SF1: variants seen among roughly 807,000 people sequenced by gnomAD.
The protein encoded by SF1 is branch point-binding protein.
SF1 carries 7 observed loss-of-function variants against 62.5 expected under a neutral mutation model. The ratio of observed to expected loss-of-function variants is 0.11; its 90% CI spans 0.06 to 0.21. The LOEUF is 0.21. SF1 is among the 10% of genes least tolerant of loss of function. The probability of loss-of-function intolerance (pLI) is 1.00; values close to 1 mark genes in which losing one functional copy is unlikely to be tolerated. For missense variants in SF1, 578 were observed against 884.0 expected (o/e 0.65, Z 4.39); for synonymous variants, 394 against 323.6 (o/e 1.22, Z -2.33).
intron 1 of SF1, chr11:64,777,948 T>C: frequency 1.0e-6 from 1 of 982,676 alleles, no homozygotes; most frequent in Admixed American, 6.2e-5. Context: ...GCCGGGCCCG[T>C]CCGCGCGACG....
chr11:64,767,033 C>T lies in SF1; in HGVS notation c.1449G>A (p.Pro483=), dbSNP rs761752885. 5.5e-5 allele frequency: 83 copies of T among 1,521,212 alleles called. No homozygotes were observed. Among genetic ancestry groups the T allele is most frequent in the Middle Eastern group, 1.8e-4 (1 of 5,592 alleles). The allele number at this position is 1,521,212 out of a possible 1,614,324, so 94.2% of individuals were successfully genotyped here. Residue 483 remains proline, a synonymous_variant, in exon 12 of 13, where the codon CCG becomes CCA. Transcript: ENST00000377390. ...GGGGTGGGGGCTGCCCACTGGGAGG[C>T]GGCGGCGGCGGCGGCATCATGCCCA... ...PPMGMMPPPP[P]PPSGQPPPPP... is the part of the protein sequence containing the mutation.
intron 2 of SF1, among the ~76,000 whole-genome samples, chr11:64,774,898 T>C (rs560728552): frequency 6.6e-6 from 1 of 151,234 alleles, no homozygotes; most frequent in Admixed American, 6.6e-5. Flanking sequence ...GAGACGCAGG[T>C]TGCAGTGAGC....
chr11:64,777,554 C>T (rs1939510920), intron 1 of SF1: 4 of 985,418 alleles, frequency 4.1e-6, no homozygotes, highest in Admixed American at 1.2e-4. Flanking sequence ...ATCCTTGGTA[C>T]GGTTCCCATT....
At chr11:64,777,795 C>T (rs1336072035) in intron 1 of SF1, 13 of 981,910 alleles carry the variant, frequency 1.3e-5, no homozygotes, top group East Asian at 2.3e-4. Flanking sequence ...CCCAGCCCTC[C>T]CCCCACAGCG....
At chr11:64,778,065 G>C in intron 1 of SF1, 1 of 991,722 alleles carries the variant, frequency 1.0e-6, no homozygotes, top group African/African-American at 1.8e-5. Flanking sequence ...GGCGACACGC[G>C]CTGGTAGAGC....
In SF1 at chr11:64,767,199, T is replaced by A. The variant is rs1447739067; in HGVS notation, c.1395A>T (p.Gln465His). 1 of 1,614,096 alleles carries A rather than the reference T, an allele frequency of 6.2e-7. No individual in the cohort carries two copies. Residue 465 changes from glutamine (Q) to histidine (H), a missense_variant, in exon 11 of 13, where the codon CAA becomes CAT. By Grantham distance (24) the Gln-to-His change is conservative. Transcript: ENST00000377390. The stretch of plus-strand genomic sequence containing the variant: ...CCAGCAGACAGCCATTACCTTTTCC[T>A]TGATGCAGGCGATAGACCCCAGAGC... ...PVGSGVYRLHQGKGMMPPPPM... is the reference protein window; with the variant it reads ...PVGSGVYRLHHGKGMMPPPPM...
At position 64,765,192 on chromosome 11, in the gene SF1, C is replaced by T. The variant is rs2058555523; in HGVS notation, c.*626G>A. The stretch of plus-strand genomic sequence containing the variant: ...GCCCTTGCCCAAAACCATTTGCTCC[C>T]CTCTCCTTGGTAAGGGAAGGAGAAC... On this transcript the variant is annotated 3_prime_UTR_variant, in exon 13 of 13. Coordinates refer to ENST00000377390, the MANE Select transcript of SF1 (RefSeq NM_004630.4). The T allele has an allele frequency of 5.1e-6, 2 of 388,872 alleles. No individual in the cohort carries two copies. Among genetic ancestry groups the T allele is most frequent in the African/African-American group, 2.1e-5 (1 of 47,848 alleles). 24.1% of individuals were successfully genotyped at this position (388,872 alleles called of 1,614,324 possible). A position where few individuals can be genotyped will look rare whatever the true frequency, so the allele number is the denominator to read the frequency against.
At position 64,767,620 on chromosome 11, in the gene SF1, CGGTGGT is replaced by C. The variant is rs2058776495; in HGVS notation, c.1287_1292del (p.Pro430_Pro431del). ...CAGGAGGGTGGGGGCCCTGGTTCATCGGTGGTGGTGGTGGCTGCATCCAAGGGGGTG... is the reference window on the plus strand; with the variant it reads ...CAGGAGGGTGGGGGCCCTGGTTCATCGGTGGTGGCTGCATCCAAGGGGGTG... On this transcript the variant is annotated inframe_deletion, in exon 10 of 13. Coordinates refer to ENST00000377390, the MANE Select transcript of SF1 (RefSeq NM_004630.4). 3 of 1,586,232 alleles carry C rather than the reference CGGTGGT, an allele frequency of 1.9e-6. No individual in the cohort carries two copies. Among genetic ancestry groups the C allele is most frequent in the African/African-American group, 1.4e-5 (1 of 73,366 alleles).
rs2058642447 is a variant in SF1 at position 64,766,103 on chromosome 11, T to G, written c.1635A>C (p.Gln545His). ...AAGCTGCGGCAGCCGCCTGCTGCTG[T>G]TGCCATGGCGGGATGGACCCTGTGC... Reference protein sequence around the residue: ...SAGTGSIPPWQQQQAAAAASP... With the variant: ...SAGTGSIPPWHQQQAAAAASP... The change falls in exon 13 of 13, where the codon CAA (glutamine) becomes CAC (histidine). Residue 545 changes from glutamine (Q) to histidine (H), a missense_variant. By Grantham distance (24) the Gln-to-His change is conservative. Transcript: ENST00000377390. 1 of 1,610,766 alleles carries G rather than the reference T, an allele frequency of 6.2e-7. No homozygotes were observed. Among genetic ancestry groups the G allele is most frequent in the African/African-American group, 1.3e-5 (1 of 74,818 alleles).
At chr11:64,777,934 G>A (rs1415799892) in intron 1 of SF1, 5 of 979,032 alleles carry the variant, frequency 5.1e-6, no homozygotes, top group Non-Finnish European at 4.8e-6. Flanking sequence ...GCGCCCCTCA[G>A]GCGGCCGGGC....
intron 2 of SF1, among the ~76,000 whole-genome samples, chr11:64,774,577 A>T (rs904438931): frequency 2.6e-5 from 4 of 152,212 alleles, no homozygotes; most frequent in Non-Finnish European, 5.9e-5. Context: ...GTGTCTAACC[A>T]AAGATTCCTT....
chr11:64,778,344 C>CG lies in SF1; in HGVS notation c.31+17dup, dbSNP rs1039141207. The CG allele has an allele frequency of 3.6e-5, 44 of 1,225,964 alleles. No homozygotes were observed. Among genetic ancestry groups the CG allele is most frequent in the South Asian group, 1.6e-4 (4 of 24,570 alleles). The allele number at this position is 1,225,964 out of a possible 1,614,324, so 75.9% of individuals were successfully genotyped here. ...TTGGGCCCGGGGAGCGGGGGCAGCC[C>CG]GGGGGGGCCCAGCTTACCCAACGGC... On this transcript the variant is annotated intron_variant, in intron 1 of 12. Coordinates refer to ENST00000377390, the MANE Select transcript of SF1 (RefSeq NM_004630.4).
chr11:64,778,451 C>T lies in SF1; in HGVS notation c.-59G>A, dbSNP rs1203802034. ...TTCCTCTGCGGCGGCTTCTCCTTCGCAAGCCTCCCGGGGGGAGGGGACCCG... is the reference window on the plus strand; with the variant it reads ...TTCCTCTGCGGCGGCTTCTCCTTCGTAAGCCTCCCGGGGGGAGGGGACCCG... On this transcript the variant is annotated 5_prime_UTR_variant, in exon 1 of 13. Transcript: ENST00000377390. 1 of 1,215,620 alleles carries T rather than the reference C, an allele frequency of 8.2e-7. No homozygotes were observed. The allele number at this position is 1,215,620 out of a possible 1,614,324, so 75.3% of individuals were successfully genotyped here.
chr11:64,770,441 C>T, intron 3 of SF1, 33 bp from the exon 4 acceptor site: 1 of 1,600,458 alleles, frequency 6.2e-7, no homozygotes, highest in Admixed American at 1.7e-5. Flanking sequence ...TACTATTCTG[C>T]ACCGACTTCT....
chr11:64,768,889 A>G, intron 8 of SF1, 133 bp downstream of exon 8: 1 of 728,306 alleles, frequency 1.4e-6, no homozygotes, highest in East Asian at 2.5e-5. Flanking sequence ...TGGGCTTTAA[A>G]TCACACCATT....
intron 3 of SF1, chr11:64,770,646 G>T (rs1241684651): frequency 5.1e-6 from 2 of 388,442 alleles, no homozygotes; most frequent in Non-Finnish European, 9.3e-6. Context: ...TTTGCATCTA[G>T]AAGTGATGAG....
rs751621587 is a variant in SF1 at position 64,765,486 on chromosome 11, T to C, written c.*332A>G. ...TGGGCGCGGAAAGTCCTCACTCTCA[T>C]GGCTCGGGCCATCGCCGCCGCGGGG... On this transcript the variant is annotated 3_prime_UTR_variant, in exon 13 of 13. Transcript: ENST00000377390. 2 of 1,613,024 alleles carry C rather than the reference T, an allele frequency of 1.2e-6. No homozygotes were observed. The highest frequency in any genetic ancestry group is 1.3e-5 in the African/African-American group (1 of 74,964).
chr11:64,769,740 T>C, intron 5 of SF1, 131 bp from the exon 6 acceptor site: 1 of 884,202 alleles, frequency 1.1e-6, no homozygotes, highest in South Asian at 1.6e-5. Context: ...AAGAGCTCCA[T>C]GAACTCTATA....
chr11:64,778,239 G>A lies in SF1; in HGVS notation c.31+123C>T, dbSNP rs1939728024. On this transcript the variant is annotated intron_variant, in intron 1 of 12. Coordinates refer to ENST00000377390, the MANE Select transcript of SF1 (RefSeq NM_004630.4). ...GTCAGGGCCCCCATCGAGCCCACGG[G>A]CGGGGGCGGCGGCGGCCCGGGAGCC... is the stretch of plus-strand genomic sequence containing the variant. 18 of 1,197,140 alleles carry A rather than the reference G, an allele frequency of 1.5e-5. No homozygotes were observed. The South Asian group carries it at 5.4e-4, about 36-fold the overall frequency. 74.2% of individuals were successfully genotyped at this position (1,197,140 alleles called of 1,614,324 possible).
Sources: gnomAD v4.1 joint callset for allele counts (sites outside exome capture counted in the v4.1 genomes callset) on GRCh38, gnomAD v4.1.1 for gene constraint, MANE v1.5 for transcripts, NCBI Gene and HGNC (gene_info 2026-07-23, HGNC 2026-07-21) for gene names.